Variants in COL22A1 observed in about 807,000 individuals in gnomAD.
COL22A1 encodes the protein collagen alpha-1(XXII) chain.
A neutral mutation model predicts 248.9 loss-of-function variants in COL22A1; 221 were observed. That is an observed-to-expected ratio of 0.89 (90% CI 0.80 to 0.99). COL22A1 has a LOEUF of 0.99. Among genes scored for constraint, COL22A1 ranks in the 50% least tolerant of loss-of-function variants. The pLI is 0.00. For missense variants in COL22A1, 2,240 were observed against 2,179.0 expected (o/e 1.03, Z -0.56); for synonymous variants, 891 against 793.4 (o/e 1.12, Z -2.07).
In COL22A1 at chr8:138,655,889, G is replaced by A; in HGVS notation, c.3333+8C>T. On this transcript the variant is annotated splice_region_variant and intron_variant, in intron 45 of 64. Coordinates refer to ENST00000303045, the MANE Select transcript of COL22A1 (RefSeq NM_152888.3). Reference sequence around the variant, plus strand: ...CAAAACACATGCGCATTTATTGTATGCTTTTACCTTAGCCAAGAGATTTAT... The same window carrying A: ...CAAAACACATGCGCATTTATTGTATACTTTTACCTTAGCCAAGAGATTTAT... 6.2e-7 allele frequency: 1 copy of A among 1,606,656 alleles called. No homozygotes were observed. The highest frequency in any genetic ancestry group is 1.1e-5 in the South Asian group (1 of 90,770).
intron 64 of COL22A1, among the ~76,000 whole-genome samples, chr8:138,590,845 T>C (rs1003271210): frequency 5.9e-5 from 9 of 152,218 alleles, no homozygotes; most frequent in African/African-American, 1.2e-4. Flanking sequence ...TCTCAAGTCA[T>C]GTCTTGGCTT....
chr8:138,672,872 C>A (rs895630370), intron 41 of COL22A1, among the ~76,000 whole-genome samples: 37 of 152,236 alleles, frequency 2.4e-4, no homozygotes, highest in Non-Finnish European at 5.1e-4. Flanking sequence ...ACCTTATCTT[C>A]ACAAACCCCA....
chr8:138,739,938 A>T (rs967191054), intron 22 of COL22A1, among the ~76,000 whole-genome samples: 1 of 152,180 alleles, frequency 6.6e-6, no homozygotes, highest in African/African-American at 2.4e-5. Context: ...GTAGAATTCA[A>T]GATGTGGTCA....
chr8:138,724,139 G>A (rs571575676), intron 25 of COL22A1, among the ~76,000 whole-genome samples: 2 of 152,152 alleles, frequency 1.3e-5, no homozygotes, highest in African/African-American at 4.8e-5. Context: ...TCCTATCTGG[G>A]GAGACATTAA....
At chr8:138,631,592 T>C (rs1169340155) in intron 49 of COL22A1, among the ~76,000 whole-genome samples, 1 of 152,212 alleles carries the variant, frequency 6.6e-6, no homozygotes, top group Non-Finnish European at 1.5e-5. Flanking sequence ...AAGACTTCTA[T>C]GCAGCCGAGC....
intron 3 of COL22A1, among the ~76,000 whole-genome samples, chr8:138,857,145 A>C (rs1822095707): frequency 1.3e-5 from 2 of 148,904 alleles, no homozygotes; most frequent in African/African-American, 5.0e-5. Flanking sequence ...GCCTGCCCCT[A>C]CCTCTATCTG....
intron 11 of COL22A1, among the ~76,000 whole-genome samples, chr8:138,801,904 C>A (rs1249475093): frequency 6.6e-6 from 1 of 151,644 alleles, no homozygotes; most frequent in Non-Finnish European, 1.5e-5. Flanking sequence ...AAGAAAGAAA[C>A]CTGCCCAAGG....
At chr8:138,602,880 G>C (rs964561072) in intron 59 of COL22A1, among the ~76,000 whole-genome samples, 1 of 152,148 alleles carries the variant, frequency 6.6e-6, no homozygotes, top group Non-Finnish European at 1.5e-5. Context: ...CCATTCTCAC[G>C]CATGGGTTAC....
intron 27 of COL22A1, among the ~76,000 whole-genome samples, chr8:138,718,639 T>C (rs953863630): frequency 6.6e-6 from 1 of 152,240 alleles, no homozygotes; most frequent in Admixed American, 6.5e-5. Context: ...TTATCTTCAG[T>C]TGATGCTTTG....
chr8:138,832,434 G>A (rs1318032052), intron 5 of COL22A1, among the ~76,000 whole-genome samples: 1 of 152,126 alleles, frequency 6.6e-6, no homozygotes, highest in Non-Finnish European at 1.5e-5. Context: ...GAAGAATAGA[G>A]CATTCATTTT....
chr8:138,827,332 C>T (rs886972504), intron 5 of COL22A1: 9 of 159,222 alleles, frequency 5.7e-5, no homozygotes, highest in African/African-American at 1.7e-4. Context: ...AGAAAGCTCA[C>T]GAATGGGATT....
chr8:138,748,475 C>T (rs554823449), intron 22 of COL22A1, among the ~76,000 whole-genome samples: 12 of 152,320 alleles, frequency 7.9e-5, no homozygotes, highest in Admixed American at 3.9e-4. Flanking sequence ...CACAGCCGCA[C>T]GTGCGAATCC....
At chr8:138,808,363 T>C (rs1817904659) in intron 9 of COL22A1, among the ~76,000 whole-genome samples, 1 of 152,214 alleles carries the variant, frequency 6.6e-6, no homozygotes, top group Non-Finnish European at 1.5e-5. Flanking sequence ...CCAAACTAAA[T>C]ATGTAAATAA....
chr8:138,626,329 G>C, intron 50 of COL22A1, 86 bp from the exon 51 acceptor site: 2 of 1,045,812 alleles, frequency 1.9e-6, no homozygotes, highest in Non-Finnish European at 2.9e-6. Context: ...TGCATTCATG[G>C]GTTGGGGGAG....
intron 23 of COL22A1, among the ~76,000 whole-genome samples, chr8:138,728,781 C>T (rs1394104708): frequency 6.6e-6 from 1 of 152,096 alleles, no homozygotes; most frequent in Non-Finnish European, 1.5e-5. Flanking sequence ...ACCTGGAGGG[C>T]CTGTCACAAA....
At chr8:138,718,016 G>T (rs1829575477) in intron 27 of COL22A1, among the ~76,000 whole-genome samples, 1 of 152,146 alleles carries the variant, frequency 6.6e-6, no homozygotes, top group South Asian at 2.1e-4. Context: ...ATGCACGAAA[G>T]AATGAATGAA....
intron 12 of COL22A1, among the ~76,000 whole-genome samples, chr8:138,796,389 C>CTTTTTTTTTTTTTTTTTTTTTATTTTT (rs1816529899): frequency 3.8e-5 from 1 of 26,310 alleles, no homozygotes; most frequent in African/African-American, 1.3e-4. Flanking sequence ...TGCTACTTTC[C>CTTTTTTTTTTTTTTTTTTTTTATTTTT]TTTTTTTTTT....
At chr8:138,721,887 A>G (rs77630700) in intron 26 of COL22A1, 149 bp downstream of exon 26, 1 of 723,498 alleles carries the variant, frequency 1.4e-6, no homozygotes, top group African/African-American at 1.7e-5. Flanking sequence ...GCCTTCCCCC[A>G]TCTGACCCCA....
intron 23 of COL22A1, among the ~76,000 whole-genome samples, chr8:138,727,722 C>A (rs1830425613): frequency 6.6e-6 from 1 of 152,160 alleles, no homozygotes; most frequent in African/African-American, 2.4e-5. Flanking sequence ...CAGCTCGCTC[C>A]GTCCTGGCAA....
Sources: allele counts gnomAD v4.1 joint callset (sites outside exome capture counted in the v4.1 genomes callset), GRCh38; gene constraint gnomAD v4.1.1; transcripts MANE v1.5; gene names NCBI Gene and HGNC (gene_info 2026-07-23, HGNC 2026-07-21).